LPAR1: variants seen among roughly 807,000 people sequenced by gnomAD.
LPAR1 encodes the protein LPA receptor 1.
LPAR1 carries 5 observed loss-of-function variants against 23.8 expected under a neutral mutation model. The observed-to-expected ratio is 0.21, with a 90% CI of 0.11 to 0.44. The LOEUF (loss-of-function observed/expected upper bound fraction) is 0.44, where lower values mean the gene tolerates loss of function less well. LPAR1 is among the 20% of genes least tolerant of loss of function. LPAR1 has a pLI of 0.99. For missense variants in LPAR1, 311 were observed against 482.8 expected (o/e 0.64, Z 3.33); for synonymous variants, 160 against 164.7 (o/e 0.97, Z 0.22).
intron 2 of LPAR1, among the ~76,000 whole-genome samples, chr9:110,990,167 A>C (rs2096868644): frequency 6.6e-6 from 1 of 152,170 alleles, no homozygotes. Context: ...CCAGAGATAA[A>C]TATGCCTCAG....
chr9:110,997,872 G>A (rs570220401), intron 2 of LPAR1, among the ~76,000 whole-genome samples: 8 of 152,300 alleles, frequency 5.3e-5, no homozygotes, highest in Admixed American at 1.3e-4. Context: ...GATGCTGTGC[G>A]AGAGAGAACC....
At chr9:111,002,919 G>C (rs1423933296) in intron 2 of LPAR1, among the ~76,000 whole-genome samples, 5 of 152,094 alleles carry the variant, frequency 3.3e-5, no homozygotes, top group Admixed American at 3.3e-4. Flanking sequence ...CAGGAGAATT[G>C]CTTGAGGCCA....
At chr9:111,035,365 G>A (rs1031338163) in intron 2 of LPAR1, among the ~76,000 whole-genome samples, 4 of 151,942 alleles carry the variant, frequency 2.6e-5, no homozygotes, top group Non-Finnish European at 5.9e-5. Context: ...GAGACTACAC[G>A]CACATGCCAC....
intron 4 of LPAR1, among the ~76,000 whole-genome samples, chr9:110,943,356 T>C (rs2095244292): frequency 6.6e-6 from 1 of 151,946 alleles, no homozygotes; most frequent in African/African-American, 2.4e-5. Flanking sequence ...TTAACCACTA[T>C]TTTTGATCAA....
intron 2 of LPAR1, among the ~76,000 whole-genome samples, chr9:111,009,779 G>A (rs1197777277): frequency 6.6e-6 from 1 of 151,554 alleles, no homozygotes; most frequent in Non-Finnish European, 1.5e-5. Flanking sequence ...GAATTTGCAT[G>A]ATTTGGATGA....
chr9:110,892,567 G>A (rs35034593), intron 5 of LPAR1, among the ~76,000 whole-genome samples: 1 of 151,978 alleles, frequency 6.6e-6, no homozygotes, highest in African/African-American at 2.4e-5. Context: ...AGGAGGCTGA[G>A]GCAGGAGAAT....
intron 2 of LPAR1, among the ~76,000 whole-genome samples, chr9:111,023,053 C>CAA (rs35394780): frequency 0.011 from 600 of 56,636 alleles, no homozygotes; most frequent in Middle Eastern, 0.017. Flanking sequence ...TCCGTCTCAA[C>CAA]AAAAAAAAAA....
chr9:110,927,160 G>T (rs552952674), intron 5 of LPAR1, among the ~76,000 whole-genome samples: 1 of 152,218 alleles, frequency 6.6e-6, no homozygotes, highest in South Asian at 2.1e-4. Flanking sequence ...ACGAGTAAGT[G>T]GCAAATCTGG....
intron 4 of LPAR1, among the ~76,000 whole-genome samples, chr9:110,947,722 T>C (rs2095431621): frequency 6.6e-6 from 1 of 152,194 alleles, no homozygotes; most frequent in African/African-American, 2.4e-5. Flanking sequence ...TCACAGTACA[T>C]CTGATGTGTT....
intron 4 of LPAR1, 62 bp downstream of exon 4, chr9:110,972,011 C>A: frequency 7.2e-7 from 1 of 1,393,400 alleles, no homozygotes; most frequent in South Asian, 1.2e-5. Flanking sequence ...TTCCTGAAAC[C>A]CAGTTTAAAT....
At chr9:110,999,812 C>A (rs148310314) in intron 2 of LPAR1, among the ~76,000 whole-genome samples, 1 of 152,242 alleles carries the variant, frequency 6.6e-6, no homozygotes, top group East Asian at 1.9e-4. Flanking sequence ...TCAAGTGATT[C>A]TGCCACCTAA....
At chr9:110,909,712 T>C (rs534445466) in intron 5 of LPAR1, among the ~76,000 whole-genome samples, 25 of 145,012 alleles carry the variant, frequency 1.7e-4, no homozygotes, top group African/African-American at 6.6e-4. Context: ...TTTGTTTTGC[T>C]TCATTTATTA....
intron 5 of LPAR1, among the ~76,000 whole-genome samples, chr9:110,935,297 T>G (rs1357888353): frequency 6.6e-6 from 1 of 151,980 alleles, no homozygotes; most frequent in Non-Finnish European, 1.5e-5. Context: ...GACCTGAAGT[T>G]CTCAATTAAC....
intron 5 of LPAR1, among the ~76,000 whole-genome samples, chr9:110,921,178 GT>G (rs751059330): frequency 9.9e-5 from 15 of 152,108 alleles, no homozygotes; most frequent in Non-Finnish European, 2.1e-4. Context: ...ACAGGGTGAG[GT>G]AGGACGATGG....
intron 4 of LPAR1, among the ~76,000 whole-genome samples, chr9:110,944,366 C>T (rs1199938084): frequency 6.6e-6 from 1 of 152,180 alleles, no homozygotes; most frequent in African/African-American, 2.4e-5. Flanking sequence ...ATGCTAAATA[C>T]ATATTGATTT....
At chr9:111,003,120 A>G (rs1214905518) in intron 2 of LPAR1, among the ~76,000 whole-genome samples, 13 of 152,224 alleles carry the variant, frequency 8.5e-5, no homozygotes, top group Non-Finnish European at 1.9e-4. Context: ...TCAACTGTAA[A>G]TTAAACAGTT....
At chr9:111,020,114 CT>C (rs2097535271) in intron 2 of LPAR1, among the ~76,000 whole-genome samples, 1 of 152,170 alleles carries the variant, frequency 6.6e-6, no homozygotes, top group Non-Finnish European at 1.5e-5. Context: ...TCATTTAATC[CT>C]AATTATCTCC....
At chr9:111,036,009 C>T (rs559420965) in intron 2 of LPAR1, 113 bp downstream of exon 2, 7 of 152,312 alleles carry the variant, frequency 4.6e-5, no homozygotes, top group Admixed American at 3.9e-4. Flanking sequence ...TTCAGTAAAA[C>T]CTTGCAGCCT....
In LPAR1 at chr9:110,930,887, C is replaced by T. The variant is rs145374858; in HGVS notation, c.793+10534G>A. Among the ~76,000 whole-genome samples the T allele has an allele frequency of 8.9e-3, 1,358 of 152,216 alleles. 27 individuals are homozygous for T. Among genetic ancestry groups the T allele is most frequent in the African/African-American group, 0.031 (1,285 of 41,526 alleles). On this transcript the variant is annotated intron_variant, in intron 5 of 5. Coordinates refer to ENST00000683809, the MANE Select transcript of LPAR1 (RefSeq NM_001351411.2). ...CCGAGATCACGCCACTGCACTCCAG[C>T]CTGGGCAACAAGAGCGAAATTCCGT...
Sources: gnomAD v4.1 joint callset for allele counts (sites outside exome capture counted in the v4.1 genomes callset) on GRCh38, gnomAD v4.1.1 for gene constraint, MANE v1.5 for transcripts, NCBI Gene and HGNC (gene_info 2026-07-23, HGNC 2026-07-21) for gene names.